Variants in CELF4 observed in about 807,000 individuals in gnomAD.
CELF4 encodes the protein CUGBP Elav-like family member 4.
A neutral mutation model predicts 59.9 loss-of-function variants in CELF4; 18 were observed. The observed-to-expected ratio is 0.30, with a 90% confidence interval of 0.21 to 0.45. CELF4 has a LOEUF of 0.45. Among genes scored for constraint, CELF4 ranks in the 20% least tolerant of loss-of-function variants. The pLI is 1.00. For missense variants in CELF4, 456 were observed against 689.0 expected, an observed-to-expected ratio of 0.66 and a Z score of 3.79; for synonymous variants, 261 against 267.1, an observed-to-expected ratio of 0.98 and a Z score of 0.22.
chr18:37,549,035 T>C (rs2099982313), intron 1 of CELF4, among the ~76,000 whole-genome samples: 1 of 152,150 alleles, frequency 6.6e-6, no homozygotes, highest in Non-Finnish European at 1.5e-5. Context: ...CCCTCAGGAA[T>C]CAGAGGGGTG....
intron 11 of CELF4, among the ~76,000 whole-genome samples, chr18:37,256,333 A>G (rs1363841457): frequency 6.6e-6 from 1 of 152,188 alleles, no homozygotes. Flanking sequence ...ATGTGCTTAT[A>G]AAGAGTGAAT....
At chr18:37,388,953 G>T (rs913232249) in intron 2 of CELF4, among the ~76,000 whole-genome samples, 3 of 152,114 alleles carry the variant, frequency 2.0e-5, no homozygotes, top group African/African-American at 7.2e-5. Flanking sequence ...CCTCTTGATG[G>T]CTCTTTCTGA....
chr18:37,451,891 C>T (rs2154601700), intron 2 of CELF4, among the ~76,000 whole-genome samples: 1 of 152,262 alleles, frequency 6.6e-6, no homozygotes, highest in South Asian at 2.1e-4. Context: ...GATGGGCCTG[C>T]TTAATTCCCT....
chr18:37,377,143 A>G (rs2154567598), intron 2 of CELF4, among the ~76,000 whole-genome samples: 1 of 152,218 alleles, frequency 6.6e-6, no homozygotes, highest in East Asian at 1.9e-4. Context: ...ATGTGAGGAG[A>G]AAAAAGGGAG....
chr18:37,519,445 T>C (rs955793895), intron 1 of CELF4, among the ~76,000 whole-genome samples: 2 of 152,178 alleles, frequency 1.3e-5, no homozygotes, highest in Admixed American at 6.5e-5. Context: ...GTCATCTTTC[T>C]TGGAGGCTTC....
intron 2 of CELF4, among the ~76,000 whole-genome samples, chr18:37,344,814 G>A (rs2098191298): frequency 6.6e-6 from 1 of 152,202 alleles, no homozygotes; most frequent in Non-Finnish European, 1.5e-5. Context: ...CAAGGGGAGG[G>A]GACACGCCCT....
Position 37,274,470 on chromosome 18 carries a change from C to T in CELF4, c.658-16G>A, listed in dbSNP as rs1288782254. On this transcript the variant is annotated splice_polypyrimidine_tract_variant and intron_variant, in intron 5 of 12. Coordinates refer to ENST00000420428, the MANE Select transcript of CELF4 (RefSeq NM_020180.4). ...ACGAGGCTCCCTGCGGCCGGGGCGG[C>T]GCGTGAGACCCACCTGCTCCAGAGC... The T allele has an allele frequency of 6.2e-7, 1 of 1,611,702 alleles. No homozygotes were observed. Among genetic ancestry groups the T allele is most frequent in the Non-Finnish European group, 8.5e-7 (1 of 1,179,426 alleles).
chr18:37,491,327 T>C (rs1283881243), intron 1 of CELF4, among the ~76,000 whole-genome samples: 2 of 152,150 alleles, frequency 1.3e-5, no homozygotes, highest in East Asian at 3.9e-4. Context: ...CCTCTAATAC[T>C]TGAGATTCTA....
rs367703611 is a variant in CELF4, at chr18:37,385,249, G to A, written c.370-63368C>T. Among the ~76,000 whole-genome samples, 7 of 150,038 alleles carry A rather than the reference G, an allele frequency of 4.7e-5. No homozygotes were observed. In the East Asian group the frequency reaches 1.4e-3, roughly 30 times the overall value. On this transcript the variant is annotated intron_variant, in intron 2 of 12. Coordinates refer to ENST00000420428, the MANE Select transcript of CELF4 (RefSeq NM_020180.4). ...TGTAATCCCAGCTACTCCGGAGGCT[G>A]AAGCAGGAGAATCTCGAATCGCTTG...
chr18:37,510,140 T>C (rs1191722206), intron 1 of CELF4, among the ~76,000 whole-genome samples: 2 of 152,156 alleles, frequency 1.3e-5, no homozygotes, highest in South Asian at 2.1e-4. Context: ...TACACTGTAA[T>C]GTGGTTAATG....
intron 2 of CELF4, among the ~76,000 whole-genome samples, chr18:37,382,907 G>A (rs1226475364): frequency 6.6e-6 from 1 of 152,072 alleles, no homozygotes; most frequent in African/African-American, 2.4e-5. Context: ...GATAGAGTGT[G>A]GCCCACTCCT....
At chr18:37,333,019 G>T (rs1431277794) in intron 2 of CELF4, among the ~76,000 whole-genome samples, 1 of 152,228 alleles carries the variant, frequency 6.6e-6, no homozygotes, top group Non-Finnish European at 1.5e-5. Context: ...TGGTCGGCTG[G>T]GTCGCTAACC....
intron 2 of CELF4, among the ~76,000 whole-genome samples, chr18:37,378,285 AG>A (rs200156705): frequency 0.018 from 2,673 of 152,254 alleles, 30 homozygotes; most frequent in Middle Eastern, 0.027. Context: ...CTTGGGTCGC[AG>A]GAGGTGGGGT....
chr18:37,398,747 C>A (rs2099277460), intron 2 of CELF4, among the ~76,000 whole-genome samples: 2 of 152,154 alleles, frequency 1.3e-5, no homozygotes, highest in African/African-American at 4.8e-5. Context: ...AGTGGTGGAG[C>A]TTAGCAGGCA....
intron 8 of CELF4, among the ~76,000 whole-genome samples, chr18:37,269,792 A>G (rs1056282802): frequency 3.3e-5 from 5 of 152,208 alleles, no homozygotes; most frequent in Admixed American, 2.6e-4. Context: ...CTCATGATCA[A>G]ACTTAATTCT....
chr18:37,474,786 A>G (rs763464157), intron 2 of CELF4, among the ~76,000 whole-genome samples: 1 of 152,198 alleles, frequency 6.6e-6, no homozygotes, highest in Non-Finnish European at 1.5e-5. Context: ...CTCAATCTGC[A>G]GTAGATGTAG....
chr18:37,483,927 A>G (rs2099875718), intron 2 of CELF4, among the ~76,000 whole-genome samples: 2 of 152,252 alleles, frequency 1.3e-5, no homozygotes, highest in Non-Finnish European at 2.9e-5. Flanking sequence ...TATTATATGT[A>G]AAATAAACAA....
At position 37,360,138 on chromosome 18, in the gene CELF4, C is replaced by T. The variant is rs2098678841; in HGVS notation, c.370-38257G>A. On this transcript the variant is annotated intron_variant, in intron 2 of 12. Coordinates refer to ENST00000420428, the MANE Select transcript of CELF4 (RefSeq NM_020180.4). ...AAAGTGCTGGGATTGCAGGCATGAGCCACCATGCCGGGCATTTGTTGCCTT... is the reference window on the plus strand; with the variant it reads ...AAAGTGCTGGGATTGCAGGCATGAGTCACCATGCCGGGCATTTGTTGCCTT... Among the ~76,000 whole-genome samples, 3 of 152,190 alleles carry T rather than the reference C, an allele frequency of 2.0e-5. No homozygotes were observed. In the South Asian group the frequency reaches 6.2e-4, roughly 32 times the overall value.
chr18:37,534,565 T>A (rs555613386), intron 1 of CELF4, among the ~76,000 whole-genome samples: 2 of 152,260 alleles, frequency 1.3e-5, no homozygotes, highest in Non-Finnish European at 2.9e-5. Context: ...GTCAAGCAGA[T>A]AAACAGAGAA....
Sources: allele counts gnomAD v4.1 joint callset (sites outside exome capture counted in the v4.1 genomes callset), GRCh38; gene constraint gnomAD v4.1.1; transcripts MANE v1.5; gene names NCBI Gene and HGNC (gene_info 2026-07-23, HGNC 2026-07-21).